PTPN2: variants seen among roughly 807,000 people sequenced by gnomAD.
PTPN2 encodes the protein tyrosine-protein phosphatase non-receptor type 2.
In PTPN2, 19 loss-of-function variants were observed where a neutral mutation model predicts 57.3. The observed-to-expected ratio is 0.33, with a 90% CI of 0.23 to 0.49. PTPN2 has a LOEUF of 0.49. Ranked by LOEUF, PTPN2 falls within the 20% of genes least tolerant of loss-of-function variation. PTPN2 has a pLI of 0.99. For synonymous variants in PTPN2, 153 were observed against 164.9 expected, an observed-to-expected ratio of 0.93 and a Z score of 0.55; for missense variants, 358 against 501.1, an observed-to-expected ratio of 0.71 and a Z score of 2.73.
chr18:12,850,003 A>T (rs543176484), intron 2 of PTPN2, among the ~76,000 whole-genome samples: 91 of 152,068 alleles, frequency 6.0e-4, no homozygotes, highest in African/African-American at 2.2e-3. Context: ...TTCTTGTTTG[A>T]TTGATCGTGC....
chr18:12,819,552 G>C (rs896718473), intron 5 of PTPN2, among the ~76,000 whole-genome samples: 1 of 151,728 alleles, frequency 6.6e-6, no homozygotes, highest in African/African-American at 2.4e-5. Flanking sequence ...TGACAGAACC[G>C]ATCTATGTTT....
At chr18:12,819,789 G>C (rs1468340003) in intron 5 of PTPN2, among the ~76,000 whole-genome samples, 1 of 150,654 alleles carries the variant, frequency 6.6e-6, no homozygotes, top group Non-Finnish European at 1.5e-5. Context: ...ACAGGAATGA[G>C]CTAGAGAGGT....
intron 6 of PTPN2, among the ~76,000 whole-genome samples, chr18:12,815,695 G>A (rs950116910): frequency 4.6e-5 from 7 of 152,152 alleles, no homozygotes; most frequent in African/African-American, 9.7e-5. Flanking sequence ...CTATATATAC[G>A]CAGAGTGGTA....
At chr18:12,883,824 A>AAAG (rs2044753913) in intron 1 of PTPN2, 1 of 365,480 alleles carries the variant, frequency 2.7e-6, no homozygotes, top group Non-Finnish European at 4.9e-6. Flanking sequence ...CGCCCTCCAG[A>AAAG]ACTAACTGCG....
At chr18:12,858,595 G>A (rs1203926600) in intron 2 of PTPN2, among the ~76,000 whole-genome samples, 1 of 152,084 alleles carries the variant, frequency 6.6e-6, no homozygotes, top group Non-Finnish European at 1.5e-5. Context: ...GCTAAGAAAA[G>A]AGCTACAAAT....
intron 7 of PTPN2, among the ~76,000 whole-genome samples, chr18:12,809,622 A>C (rs2041820910): frequency 6.6e-6 from 1 of 152,176 alleles, no homozygotes; most frequent in Non-Finnish European, 1.5e-5. Context: ...TCAAGGACGC[A>C]AGGAGTCTTG....
chr18:12,837,842 C>A (rs2042918884), intron 2 of PTPN2, among the ~76,000 whole-genome samples: 1 of 152,156 alleles, frequency 6.6e-6, no homozygotes, highest in Non-Finnish European at 1.5e-5. Context: ...TAGTTTCACA[C>A]ATCAATTTAT....
In PTPN2 at chr18:12,830,978, C is replaced by G; in HGVS notation, c.325G>C (p.Val109Leu). The change falls in exon 4 of 9, where the codon GTT becomes CTT. Residue 109 changes from valine to leucine, a missense_variant. This residue lies in a region of PTPN2 where 193 missense variants were observed against 315.4 expected (regional missense o/e 0.61). Transcript: ENST00000309660. Reference sequence around the variant, plus strand: ...TCCACAATGCGGTTCAGCATGACAACTGCTTTGGTCTTCTGCTGCCAAACC... The same window carrying G: ...TCCACAATGCGGTTCAGCATGACAAGTGCTTTGGTCTTCTGCTGCCAAACC... ...LMVWQQKTKA[V>L]VMLNRIVEKE... is the part of the protein sequence containing the mutation. 1.9e-6 allele frequency: 3 copies of G among 1,610,076 alleles called. No individual in the cohort carries two copies. The highest frequency in any genetic ancestry group is 2.6e-6 in the Non-Finnish European group (3 of 1,176,444).
intron 1 of PTPN2, among the ~76,000 whole-genome samples, chr18:12,869,594 T>C (rs1486781103): frequency 1.3e-4 from 20 of 152,248 alleles, no homozygotes. Flanking sequence ...TTGTTCTATG[T>C]ATGGCATACA....
At chr18:12,830,671 T>C (rs2042637481) in intron 4 of PTPN2, among the ~76,000 whole-genome samples, 1 of 152,202 alleles carries the variant, frequency 6.6e-6, no homozygotes, top group Non-Finnish European at 1.5e-5. Context: ...TCAATAAGGA[T>C]TCCTAGGGAT....
intron 8 of PTPN2, among the ~76,000 whole-genome samples, chr18:12,796,144 G>A (rs1408714832): frequency 1.3e-5 from 2 of 152,050 alleles, no homozygotes; most frequent in East Asian, 3.8e-4. Context: ...AAATACAAAT[G>A]TCAAGCAAGG....
chr18:12,806,554 G>A (rs1347697990), intron 7 of PTPN2, among the ~76,000 whole-genome samples: 1 of 152,000 alleles, frequency 6.6e-6, no homozygotes, highest in East Asian at 1.9e-4. Flanking sequence ...ATACTACAAA[G>A]CTATAGTAAC....
chr18:12,825,394 AC>A (rs2042414933), intron 5 of PTPN2, among the ~76,000 whole-genome samples: 9 of 152,122 alleles, frequency 5.9e-5, no homozygotes, highest in Non-Finnish European at 1.2e-4. Context: ...TCCTCATTTG[AC>A]CTTCAGGACA....
chr18:12,854,948 C>A (rs770268199), intron 2 of PTPN2, among the ~76,000 whole-genome samples: 1 of 152,070 alleles, frequency 6.6e-6, no homozygotes, highest in Non-Finnish European at 1.5e-5. Flanking sequence ...ATCAGGAGTT[C>A]GAGACCAGCC....
intron 7 of PTPN2, among the ~76,000 whole-genome samples, chr18:12,802,684 T>A (rs1382828073): frequency 6.6e-6 from 1 of 152,162 alleles, no homozygotes; most frequent in Non-Finnish European, 1.5e-5. Context: ...AGAAAACCTG[T>A]ACACGCCAAG....
chr18:12,785,594 T>C (rs1281254764), exon 10 of PTPN2: 1 of 585,972 alleles, frequency 1.7e-6, no homozygotes, highest in South Asian at 2.1e-5. Context: ...CTACATTTCA[T>C]ACACTCATTA....
intron 4 of PTPN2, 144 bp from the exon 5 acceptor site, chr18:12,826,088 G>A (rs1175486792): frequency 4.7e-6 from 3 of 632,496 alleles, no homozygotes; most frequent in Non-Finnish European, 5.2e-6. Flanking sequence ...TATATTCTAC[G>A]CTTAATGTAT....
intron 2 of PTPN2, among the ~76,000 whole-genome samples, chr18:12,856,432 A>T (rs1266797429): frequency 6.6e-6 from 1 of 152,136 alleles, no homozygotes; most frequent in Non-Finnish European, 1.5e-5. Context: ...AAGAAGAAGA[A>T]GAGTAAGGAG....
chr18:12,821,435 G>T (rs1041917878), intron 5 of PTPN2: 7 of 152,152 alleles, frequency 4.6e-5, no homozygotes, highest in African/African-American at 1.4e-4. Context: ...CCTAAAGAGT[G>T]ACAAAGTTTG....
Sources: gnomAD v4.1 joint callset for allele counts (sites outside exome capture counted in the v4.1 genomes callset) on GRCh38, gnomAD v4.1.1 for gene constraint, gnomAD v4.1.1 regional missense constraint, MANE v1.5 for transcripts, NCBI Gene and HGNC (gene_info 2026-07-23, HGNC 2026-07-21) for gene names.